BNC2: variants seen among roughly 807,000 people sequenced by gnomAD.
The protein encoded by BNC2 is basonuclin zinc finger protein 2, also known as zinc finger protein basonuclin-2.
In BNC2, 20 loss-of-function variants were observed where a neutral mutation model predicts 76.3. The ratio of observed to expected loss-of-function variants is 0.26; its 90% CI spans 0.18 to 0.38. The LOEUF (loss-of-function observed/expected upper bound fraction) is 0.38. BNC2 is among the 10% of genes least tolerant of loss of function. The probability of loss-of-function intolerance (pLI) is 1.00; values close to 1 mark genes in which losing one functional copy is unlikely to be tolerated. For synonymous variants in BNC2, 582 were observed against 514.8 expected, an observed-to-expected ratio of 1.13 and a Z score of -1.77; for missense variants, 1,382 against 1,399.8, an observed-to-expected ratio of 0.99 and a Z score of 0.20.
intron 3 of BNC2, among the ~76,000 whole-genome samples, chr9:16,624,293 C>T (rs1820935591): frequency 6.6e-6 from 1 of 152,090 alleles, no homozygotes; most frequent in Non-Finnish European, 1.5e-5. Context: ...CGTGGACTTG[C>T]CAAACTACCC....
At chr9:16,818,681 G>A (rs1360539880) in intron 1 of BNC2, among the ~76,000 whole-genome samples, 1 of 151,772 alleles carries the variant, frequency 6.6e-6, no homozygotes, top group Non-Finnish European at 1.5e-5. Context: ...ATGGAGAAGA[G>A]TCTGAACTAG....
intron 3 of BNC2, among the ~76,000 whole-genome samples, chr9:16,611,537 A>G (rs1820544626): frequency 6.6e-6 from 1 of 152,174 alleles, no homozygotes; most frequent in African/African-American, 2.4e-5. Flanking sequence ...TGTTGCTGAA[A>G]AGGTGAGGCT....
chr9:16,827,184 G>T (rs1208005851), intron 1 of BNC2, among the ~76,000 whole-genome samples: 1 of 152,224 alleles, frequency 6.6e-6, no homozygotes, highest in Non-Finnish European at 1.5e-5. Flanking sequence ...ATTCTAACTT[G>T]TGCTCAGTCT....
At chr9:16,822,194 G>A (rs1360676669) in intron 1 of BNC2, among the ~76,000 whole-genome samples, 2 of 151,946 alleles carry the variant, frequency 1.3e-5, no homozygotes, top group Admixed American at 1.3e-4. Flanking sequence ...AGCCTGGGAG[G>A]CGCAGGCTGC....
chr9:16,669,411 G>C (rs1159208646), intron 3 of BNC2, among the ~76,000 whole-genome samples: 8 of 152,190 alleles, frequency 5.3e-5, no homozygotes, highest in Admixed American at 5.2e-4. Context: ...CTCAGATCAA[G>C]AGAAAGTTCT....
At chr9:16,735,707 C>A (rs773619456) in intron 2 of BNC2, among the ~76,000 whole-genome samples, 47 of 151,794 alleles carry the variant, frequency 3.1e-4, no homozygotes, top group Non-Finnish European at 5.7e-4. Flanking sequence ...CAAACCCTGA[C>A]CAGGCCAGGC....
intron 4 of BNC2, among the ~76,000 whole-genome samples, chr9:16,562,415 C>G (rs978052349): frequency 6.6e-6 from 1 of 152,118 alleles, no homozygotes; most frequent in Non-Finnish European, 1.5e-5. Context: ...TTTTCCTGTC[C>G]CTACAAAATT....
intron 1 of BNC2, among the ~76,000 whole-genome samples, chr9:16,817,487 C>G (rs1384623720): frequency 6.6e-6 from 1 of 152,168 alleles, no homozygotes; most frequent in African/African-American, 2.4e-5. Context: ...ATTCAAACAT[C>G]TTGGACAATC....
chr9:16,654,557 C>A (rs1821876341), intron 3 of BNC2, among the ~76,000 whole-genome samples: 1 of 152,086 alleles, frequency 6.6e-6, no homozygotes, highest in Non-Finnish European at 1.5e-5. Flanking sequence ...ATTTGAACAG[C>A]CATTAAACAA....
At chr9:16,539,917 A>C (rs1246976601) in intron 5 of BNC2, among the ~76,000 whole-genome samples, 1 of 151,936 alleles carries the variant, frequency 6.6e-6, no homozygotes, top group Non-Finnish European at 1.5e-5. Context: ...GAAAAGGAAT[A>C]GAGGATCATA....
At chr9:16,863,465 C>G (rs1214214198) in intron 1 of BNC2, among the ~76,000 whole-genome samples, 1 of 152,118 alleles carries the variant, frequency 6.6e-6, no homozygotes, top group East Asian at 1.9e-4. Flanking sequence ...GAGGCCGAGG[C>G]CAGTGGATCA....
intron 3 of BNC2, among the ~76,000 whole-genome samples, chr9:16,590,393 A>G (rs1213555792): frequency 6.6e-6 from 1 of 151,872 alleles, no homozygotes; most frequent in Non-Finnish European, 1.5e-5. Flanking sequence ...GGGTTTCACC[A>G]TGTTGGCCAG....
At chr9:16,678,165 G>A (rs1424312247) in intron 3 of BNC2, among the ~76,000 whole-genome samples, 1 of 151,750 alleles carries the variant, frequency 6.6e-6, no homozygotes, top group East Asian at 1.9e-4. Flanking sequence ...GGTAAGGGAG[G>A]GACGAAGGGG....
At chr9:16,572,139 C>T (rs10962493) in intron 4 of BNC2, among the ~76,000 whole-genome samples, 1 of 151,782 alleles carries the variant, frequency 6.6e-6, no homozygotes, top group Non-Finnish European at 1.5e-5. Flanking sequence ...ACTGGAAAGC[C>T]GAAGGTATTT....
chr9:16,708,114 T>A (rs905819275), intron 3 of BNC2, among the ~76,000 whole-genome samples: 1 of 152,192 alleles, frequency 6.6e-6, no homozygotes, highest in Non-Finnish European at 1.5e-5. Context: ...AAATGTCGTA[T>A]CAGTAAGTTC....
At chr9:16,599,927 G>T (rs1046003152) in intron 3 of BNC2, among the ~76,000 whole-genome samples, 1 of 152,028 alleles carries the variant, frequency 6.6e-6, no homozygotes, top group Non-Finnish European at 1.5e-5. Flanking sequence ...ATATATTATC[G>T]GATGACCAAA....
intron 4 of BNC2, among the ~76,000 whole-genome samples, chr9:16,561,870 G>A (rs1819026983): frequency 6.6e-6 from 1 of 152,024 alleles, no homozygotes; most frequent in African/African-American, 2.4e-5. Flanking sequence ...TGAGCATGGT[G>A]GCACGTGCCT....
intron 3 of BNC2, among the ~76,000 whole-genome samples, chr9:16,674,804 G>T (rs1017700896): frequency 1.3e-5 from 2 of 152,122 alleles, no homozygotes; most frequent in African/African-American, 2.4e-5. Context: ...CTGCGTATAT[G>T]CTCCTTGAAG....
chr9:16,741,605 G>A (rs1824851845), intron 1 of BNC2, among the ~76,000 whole-genome samples: 1 of 152,186 alleles, frequency 6.6e-6, no homozygotes, highest in African/African-American at 2.4e-5. Context: ...AGTTTGGGAA[G>A]TGAAATACTT....
Sources: gnomAD v4.1 joint callset for allele counts (sites outside exome capture counted in the v4.1 genomes callset) on GRCh38, gnomAD v4.1.1 for gene constraint, MANE v1.5 for transcripts, NCBI Gene and HGNC (gene_info 2026-07-23, HGNC 2026-07-21) for gene names.